SCN7A: variants seen among roughly 807,000 people sequenced by gnomAD.
SCN7A encodes sodium channel protein type 7 subunit alpha.
Under a neutral mutation model 155.2 loss-of-function variants are expected in SCN7A, and 138 were observed. That is an observed-to-expected ratio of 0.89 (90% CI 0.77 to 1.02). The LOEUF is 1.02. Ranked by LOEUF, SCN7A falls within the 50% of genes least tolerant of loss-of-function variation. The pLI is 0.00. For synonymous variants in SCN7A, 693 were observed against 649.0 expected (o/e 1.07, Z -1.03); for missense variants, 2,058 against 1,986.6 (o/e 1.04, Z -0.68).
intron 11 of SCN7A, among the ~76,000 whole-genome samples, chr2:166,450,253 G>A (rs1702148430): frequency 6.6e-6 from 1 of 152,102 alleles, no homozygotes; most frequent in Non-Finnish European, 1.5e-5. Flanking sequence ...TTAAGTGACA[G>A]CTAAACTTTG....
chr2:166,406,915 G>C (rs1425551988), intron 25 of SCN7A, among the ~76,000 whole-genome samples: 3 of 151,960 alleles, frequency 2.0e-5, no homozygotes, highest in African/African-American at 4.8e-5. Context: ...AGATCAAGTA[G>C]TTCTGGAATT....
chr2:166,475,023 T>C (rs1702749534), intron 3 of SCN7A, among the ~76,000 whole-genome samples: 1 of 143,608 alleles, frequency 7.0e-6, no homozygotes, highest in African/African-American at 2.5e-5. Context: ...TGAATGTGTG[T>C]GTGTGTATAT....
Position 166,443,518 on chromosome 2 carries a change from A to T in SCN7A, c.1785T>A (p.Leu595=). 6.3e-7 allele frequency: 1 copy of T among 1,594,412 alleles called. No homozygotes were observed. Among genetic ancestry groups the T allele is most frequent in the Non-Finnish European group, 8.5e-7 (1 of 1,170,920 alleles). ...CLANVAGMAL[L]RLFRMLRIFK... ...TTCTACTTACCATCCTGAATAATCG[A>T]AGAAGAGCCATTCCTGCAACATTTG... is the stretch of plus-strand genomic sequence containing the variant. Residue 595 remains leucine (L), a synonymous_variant, in exon 14 of 26, where the codon CTT becomes CTA. Coordinates refer to ENST00000643258, the MANE Select transcript of SCN7A (RefSeq NM_002976.4).
intron 4 of SCN7A, 111 bp downstream of exon 4, chr2:166,474,115 C>A: frequency 3.6e-6 from 2 of 557,590 alleles, no homozygotes; most frequent in East Asian, 3.1e-5. Flanking sequence ...TATGACCCAA[C>A]ATGAGATATA....
intron 19 of SCN7A, 34 bp from the exon 20 acceptor site, chr2:166,421,331 A>T: frequency 6.0e-6 from 7 of 1,164,862 alleles, no homozygotes; most frequent in Non-Finnish European, 8.3e-6. Context: ...AGTGAATAGG[A>T]TTCCATATTA....
chr2:166,442,281 A>G (rs1044791150), intron 14 of SCN7A, among the ~76,000 whole-genome samples: 3 of 152,206 alleles, frequency 2.0e-5, no homozygotes, highest in African/African-American at 7.2e-5. Context: ...GTTTATACAG[A>G]ACAAGATTAC....
intron 21 of SCN7A, among the ~76,000 whole-genome samples, chr2:166,416,208 T>C (rs1384708959): frequency 6.6e-6 from 1 of 152,116 alleles, no homozygotes. Context: ...TCTGTTAAGA[T>C]GTTTATCAAG....
intron 9 of SCN7A, among the ~76,000 whole-genome samples, chr2:166,463,678 T>C (rs1702462089): frequency 6.6e-6 from 1 of 152,134 alleles, no homozygotes; most frequent in African/African-American, 2.4e-5. Context: ...TGAAATGGGA[T>C]GGGACAGATA....
chr2:166,488,462 C>T (rs930287195), intron 1 of SCN7A, among the ~76,000 whole-genome samples: 2 of 151,876 alleles, frequency 1.3e-5, no homozygotes, highest in African/African-American at 4.8e-5. Flanking sequence ...CATAAAGTTG[C>T]CTAAATCAAT....
intron 17 of SCN7A, 24 bp downstream of exon 17, chr2:166,429,145 G>C (rs1701680723): frequency 7.3e-7 from 1 of 1,362,032 alleles, no homozygotes; most frequent in Admixed American, 2.4e-5. Flanking sequence ...TAGTTTCCTA[G>C]CAAGATTAAC....
At chr2:166,492,441 G>A (rs74504697) in intron 1 of SCN7A, among the ~76,000 whole-genome samples, 202 of 152,214 alleles carry the variant, frequency 1.3e-3, no homozygotes, top group African/African-American at 4.6e-3. Flanking sequence ...TCCAATATAC[G>A]TGATGGCTTC....
chr2:166,434,240 T>A (rs1042024153), intron 15 of SCN7A, among the ~76,000 whole-genome samples: 2 of 151,960 alleles, frequency 1.3e-5, no homozygotes, highest in African/African-American at 4.8e-5. Context: ...TAGATCTTCC[T>A]ATTTCTTAGG....
chr2:166,439,055 G>GTATATA (rs66783423), intron 15 of SCN7A, among the ~76,000 whole-genome samples: 2,163 of 113,354 alleles, frequency 0.019, 103 homozygotes, highest in African/African-American at 0.074. Context: ...GTGTGTGTGT[G>GTATATA]TATATATATA....
At chr2:166,410,645 C>T (rs1435150771) in intron 23 of SCN7A, among the ~76,000 whole-genome samples, 1 of 151,870 alleles carries the variant, frequency 6.6e-6, no homozygotes, top group Admixed American at 6.6e-5. Flanking sequence ...GAAATATTTA[C>T]TAAGAAAGGT....
chr2:166,431,395 C>T (rs1701728992), intron 16 of SCN7A, among the ~76,000 whole-genome samples: 1 of 152,064 alleles, frequency 6.6e-6, no homozygotes, highest in Non-Finnish European at 1.5e-5. Context: ...TAGAGAGCAT[C>T]TGCCAAAACA....
At position 166,452,985 on chromosome 2, in the gene SCN7A, G is replaced by A. The variant is rs534220632; in HGVS notation, c.1290+3885C>T. Among the ~76,000 whole-genome samples the A allele has an allele frequency of 3.3e-5, 5 of 152,150 alleles. No homozygotes were observed. The East Asian group carries it at 9.6e-4, about 29-fold the overall frequency. On this transcript the variant is annotated intron_variant, in intron 11 of 25. Transcript: ENST00000643258. ...AGACAAGAATTTTATGTTGCTGGGT[G>A]TTTCTCTGTTGAAACAGCCATGCGT...
rs529888830 is a variant in SCN7A, at chr2:166,442,471, T to C, written c.1801-719A>G. 5.3e-5 allele frequency among the ~76,000 whole-genome samples: 8 copies of C among 152,198 alleles called. No individual in the cohort carries two copies. In the East Asian group the frequency reaches 1.5e-3, roughly 29 times the overall value. ...AGCACAATCATAGCTCACTGCAGCC[T>C]CCAACTCCTAGGCCCAAGTGATCCT... On this transcript the variant is annotated intron_variant, in intron 14 of 25. Coordinates refer to ENST00000643258, the MANE Select transcript of SCN7A (RefSeq NM_002976.4).
chr2:166,408,708 T>C (rs570774405), intron 25 of SCN7A, among the ~76,000 whole-genome samples: 30 of 152,144 alleles, frequency 2.0e-4, no homozygotes, highest in Admixed American at 6.6e-4. Flanking sequence ...AATGAGTGAA[T>C]ATTTGGAAGC....
chr2:166,464,746 A>G (rs975154990), intron 9 of SCN7A, among the ~76,000 whole-genome samples: 2 of 152,122 alleles, frequency 1.3e-5, no homozygotes, highest in African/African-American at 4.8e-5. Flanking sequence ...TATCCTTAAT[A>G]TTTCTTTTCT....
Sources: gnomAD v4.1 joint callset for allele counts (sites outside exome capture counted in the v4.1 genomes callset) on GRCh38, gnomAD v4.1.1 for gene constraint, MANE v1.5 for transcripts, NCBI Gene and HGNC (gene_info 2026-07-23, HGNC 2026-07-21) for gene names.